The following ZCWPW1 variants were observed in gnomAD, a reference collection of about 807,000 sequenced individuals.
ZCWPW1 encodes the protein zinc finger CW-type PWWP domain protein 1.
ZCWPW1 carries 56 observed loss-of-function variants against 81.3 expected under a neutral mutation model. The ratio of observed to expected loss-of-function variants is 0.69; its 90% CI spans 0.56 to 0.86. ZCWPW1 has a LOEUF of 0.86. Among genes scored for constraint, ZCWPW1 ranks in the 40% least tolerant of loss-of-function variants. ZCWPW1 has a pLI of 0.00. For missense variants in ZCWPW1, 650 were observed against 769.8 expected (o/e 0.84, Z 1.84); for synonymous variants, 250 against 273.7 (o/e 0.91, Z 0.86).
chr7:100,423,383 T>C (rs1796686952), intron 2 of ZCWPW1, among the ~76,000 whole-genome samples: 1 of 152,210 alleles, frequency 6.6e-6, no homozygotes, highest in Non-Finnish European at 1.5e-5. Flanking sequence ...TTGGTTCATA[T>C]ACACTTCCCT....
intron 2 of ZCWPW1, among the ~76,000 whole-genome samples, chr7:100,422,971 T>C (rs1485855020): frequency 6.6e-6 from 1 of 152,246 alleles, no homozygotes. Context: ...AAGAAAAGTT[T>C]TATTTTATTA....
intron 12 of ZCWPW1, among the ~76,000 whole-genome samples, chr7:100,405,996 T>A (rs1190389888): frequency 6.6e-6 from 1 of 152,140 alleles, no homozygotes; most frequent in Non-Finnish European, 1.5e-5. Context: ...AAAACAGGAT[T>A]ATAGGAGCCC....
chr7:100,424,173 A>G (rs1796891213), intron 2 of ZCWPW1, among the ~76,000 whole-genome samples: 1 of 152,164 alleles, frequency 6.6e-6, no homozygotes, highest in Non-Finnish European at 1.5e-5. Context: ...AAAATTCCAA[A>G]AAAGATCACA....
chr7:100,414,956 A>C (rs60738304), intron 8 of ZCWPW1, among the ~76,000 whole-genome samples: 109,365 of 150,204 alleles, frequency 0.73, 40,781 homozygotes, highest in African/African-American at 0.87. Flanking sequence ...ACCCGGGAGG[A>C]GAAGGTTGCA....
chr7:100,408,443 T>C, intron 10 of ZCWPW1, 96 bp downstream of exon 10: 1 of 1,506,888 alleles, frequency 6.6e-7, no homozygotes, highest in Non-Finnish European at 9.0e-7. Flanking sequence ...CCAGAACCAT[T>C]TCAATTACAG....
rs1018355947 is a variant in ZCWPW1, at chr7:100,418,995, A to G, written c.361+116T>C. ...TTAAAATATGTTGAAGTCTCATCTA[A>G]TATTACCTTATTTAGAAGATGGGAG... On this transcript the variant is annotated intron_variant, in intron 5 of 17. Transcript: ENST00000684423. The G allele has an allele frequency of 4.3e-5, 35 of 817,102 alleles. No homozygotes were observed. The African/African-American group carries it at 6.0e-4, about 14-fold the overall frequency. The allele number at this position is 817,102 out of a possible 1,614,324, so 50.6% of individuals were successfully genotyped here.
At position 100,400,874 on chromosome 7, in the gene ZCWPW1, G is replaced by A. The variant is rs1304175682; in HGVS notation, c.*140C>T. On this transcript the variant is annotated 3_prime_UTR_variant, in exon 18 of 18. Transcript: ENST00000684423. ...CAGTTAGAGACCAGCCAACCCAGTC[G>A]ACTGTAACCTGCTTTATTAACACAG... The A allele has an allele frequency of 5.1e-6, 5 of 973,536 alleles. No individual in the cohort carries two copies. The highest frequency in any genetic ancestry group is 5.8e-6 in the Non-Finnish European group (4 of 687,580). 60.3% of individuals were successfully genotyped at this position (973,536 alleles called of 1,614,324 possible).
In ZCWPW1 at chr7:100,401,926, C is replaced by T; in HGVS notation, c.1590G>A (p.Arg530=). The change falls in exon 17 of 18, where the codon AGG becomes AGA. Residue 530 remains arginine (R), a synonymous_variant. Coordinates refer to ENST00000684423, the MANE Select transcript of ZCWPW1 (RefSeq NM_001386010.1). ...STAPPAPRMG[R]KEGQGNSDSD... is the part of the protein sequence containing the mutation. The stretch of plus-strand genomic sequence containing the variant: ...AATCTGAATTCCCTTGGCCTTCTTT[C>T]CTTCCCATTCTGGGTGCAGGAGGAG... 6.2e-7 allele frequency: 1 copy of T among 1,614,094 alleles called. No homozygotes were observed. Among genetic ancestry groups the T allele is most frequent in the Non-Finnish European group, 8.5e-7 (1 of 1,179,962 alleles).
intron 10 of ZCWPW1, among the ~76,000 whole-genome samples, chr7:100,408,116 A>T (rs1199416641): frequency 6.6e-6 from 1 of 151,976 alleles, no homozygotes; most frequent in African/African-American, 2.4e-5. Context: ...ACGTCTGGCT[A>T]ATTTTTCTAT....
rs770522609 is a variant in ZCWPW1 at position 100,404,251 on chromosome 7, G to A, written c.1255-7C>T. 1.2e-4 allele frequency: 191 copies of A among 1,613,788 alleles called. No homozygotes were observed. The highest frequency in any genetic ancestry group is 1.6e-4 in the Non-Finnish European group (186 of 1,179,930). On this transcript the variant is annotated splice_polypyrimidine_tract_variant and splice_region_variant and intron_variant, in intron 13 of 17. Transcript: ENST00000684423. ...CAAACAAGTTAACCCGTTCCTAAGGGAACCAAGAAACAAAAGCATCATCCA... is the reference window on the plus strand; with the variant it reads ...CAAACAAGTTAACCCGTTCCTAAGGAAACCAAGAAACAAAAGCATCATCCA...
chr7:100,407,473 G>A (rs1350445001), intron 10 of ZCWPW1, among the ~76,000 whole-genome samples, 170 bp from the exon 11 acceptor site: 1 of 152,098 alleles, frequency 6.6e-6, no homozygotes, highest in Non-Finnish European at 1.5e-5. Context: ...GCTCACTGCA[G>A]CTTTGATCTG....
intron 1 of ZCWPW1, among the ~76,000 whole-genome samples, chr7:100,427,840 G>C (rs1247072537): frequency 1.3e-5 from 2 of 151,762 alleles, no homozygotes; most frequent in East Asian, 1.9e-4. Context: ...AGGGATAGCG[G>C]TTCAAGTCGG....
intron 16 of ZCWPW1, 103 bp from the exon 17 acceptor site, chr7:100,402,144 C>A: frequency 7.0e-7 from 1 of 1,423,920 alleles, no homozygotes; most frequent in Non-Finnish European, 9.4e-7. Flanking sequence ...ATCTTCTGCT[C>A]AGTTGCAATC....
chr7:100,414,793 G>A (rs1423170800), intron 8 of ZCWPW1, among the ~76,000 whole-genome samples: 2 of 152,084 alleles, frequency 1.3e-5, no homozygotes, highest in Non-Finnish European at 2.9e-5. Flanking sequence ...TTAGGAGGCC[G>A]AAGCGGGCAG....
chr7:100,415,888 A>G, intron 8 of ZCWPW1, 87 bp downstream of exon 8: 1 of 1,540,482 alleles, frequency 6.5e-7, no homozygotes, highest in Admixed American at 1.8e-5. Context: ...TATTCTTTGC[A>G]GAGGTTCCTC....
chr7:100,401,360 AAGAGT>A, intron 17 of ZCWPW1, 24 bp from the exon 18 acceptor site: 1 of 1,518,078 alleles, frequency 6.6e-7, no homozygotes, highest in Non-Finnish European at 8.8e-7. Context: ...TGACAAAGCC[AAGAGT>A]CCTATTAGGT....
chr7:100,416,424 A>G lies in ZCWPW1; in HGVS notation c.512T>C (p.Val171Ala). Residue 171 changes from valine (V) to alanine (A), a missense_variant, in exon 7 of 18, where the codon GTG becomes GCG. Val to Ala is a moderately conservative substitution (Grantham distance 64). Coordinates refer to ENST00000684423, the MANE Select transcript of ZCWPW1 (RefSeq NM_001386010.1). ...EEVPHTQEIS[V>A]SWEGEAAPEI... ...AGGGGCAGCTTCACCTTCCCAAGAC[A>G]CTGAAATCTCTTGAGTATGTGGTAC... 2 of 1,614,190 alleles carry G rather than the reference A, an allele frequency of 1.2e-6. No homozygotes were observed. The highest frequency in any genetic ancestry group is 1.7e-6 in the Non-Finnish European group (2 of 1,180,020).
intron 1 of ZCWPW1, among the ~76,000 whole-genome samples, 194 bp from the exon 2 acceptor site, chr7:100,425,330 G>C (rs1480028787): frequency 6.6e-6 from 1 of 152,046 alleles, no homozygotes; most frequent in African/African-American, 2.4e-5. Context: ...TTTAATAAGA[G>C]GGGCAAAGGC....
At position 100,401,556 on chromosome 7, in the gene ZCWPW1, T is replaced by G. The variant is rs564563709; in HGVS notation, c.1628-220A>C. Among the ~76,000 whole-genome samples, 5 of 152,334 alleles carry G rather than the reference T, an allele frequency of 3.3e-5. No individual in the cohort carries two copies. In the South Asian group the frequency reaches 1.0e-3, roughly 32 times the overall value. ...TTTTTAAATCCTTTGAGCCTCAGTT[T>G]TCTAATATCTAAAATGGGAATATCC... On this transcript the variant is annotated intron_variant, in intron 17 of 17. Transcript: ENST00000684423.
Sources: allele counts gnomAD v4.1 joint callset (sites outside exome capture counted in the v4.1 genomes callset), GRCh38; gene constraint gnomAD v4.1.1; transcripts MANE v1.5; gene names NCBI Gene and HGNC (gene_info 2026-07-23, HGNC 2026-07-21).